The following DDX50 variants were observed in gnomAD, a reference collection of about 807,000 sequenced individuals.
DDX50 encodes ATP-dependent RNA helicase DDX50.
Under a neutral mutation model 94.8 loss-of-function variants are expected in DDX50, and 56 were observed. The observed-to-expected ratio is 0.59, with a 90% CI of 0.48 to 0.74. The LOEUF (loss-of-function observed/expected upper bound fraction) is 0.74, where lower values mean the gene tolerates loss of function less well. Among genes scored for constraint, DDX50 ranks in the 30% least tolerant of loss-of-function variants. The pLI is 0.00. For missense variants in DDX50, 713 were observed against 881.2 expected, an observed-to-expected ratio of 0.81 and a Z score of 2.42; for synonymous variants, 264 against 295.4, an observed-to-expected ratio of 0.89 and a Z score of 1.09.
rs768543952 is a variant in DDX50 at position 68,918,647 on chromosome 10, G to T, written c.1090-1185G>T. On this transcript the variant is annotated intron_variant, in intron 7 of 14. Coordinates refer to ENST00000373585, the MANE Select transcript of DDX50 (RefSeq NM_024045.2). ...TCACCATGTTCCCCAGGCTGGTCTC[G>T]AACTCCTGACCTCAGGTGATCCGCT... 2.0e-5 allele frequency among the ~76,000 whole-genome samples: 3 copies of T among 150,830 alleles called. No homozygotes were observed. In the South Asian group the frequency reaches 6.3e-4, roughly 32 times the overall value.
chr10:68,934,358 C>G lies in DDX50; in HGVS notation c.1399C>G (p.Gln467Glu). The G allele has an allele frequency of 6.2e-7, 1 of 1,613,314 alleles. No individual in the cohort carries two copies. Among genetic ancestry groups the G allele is most frequent in the Non-Finnish European group, 8.5e-7 (1 of 1,179,750 alleles). ...CCTGGTGATTCAAAGTTCTCCTCCT[C>G]AGGTAGGAAATGGGATTTGATTTGG... ...VDLVIQSSPPQDVESYIHRSG... is the reference protein window; with the variant it reads ...VDLVIQSSPPEDVESYIHRSG... Residue 467 changes from glutamine to glutamate, a missense_variant and splice_region_variant, in exon 9 of 15, where the codon CAG becomes GAG. Physicochemically the swap from Gln to Glu is conservative, Grantham distance 29 (BLOSUM62 2). Around this residue, in one of 2 missense-constraint regions of DDX50, gnomAD observed 428 missense variants for 602.3 expected, o/e 0.71. Coordinates refer to ENST00000373585, the MANE Select transcript of DDX50 (RefSeq NM_024045.2). The surrounding 1 kb of genome is among the most constrained non-coding windows in gnomAD (Gnocchi z 4.0).
chr10:68,936,961 G>A lies in DDX50; in HGVS notation c.1621G>A (p.Ala541Thr). Reference sequence around the variant, plus strand: ...GTCTCTGGCTTCCGTTTCTTACGCTGCTGTTGATTTTTTCCGACCATCAGC... The same window carrying A: ...GTCTCTGGCTTCCGTTTCTTACGCTACTGTTGATTTTTTCCGACCATCAGC... Reference protein sequence around the residue: ...IRSLASVSYAAVDFFRPSAQR... With the variant: ...IRSLASVSYATVDFFRPSAQR... Residue 541 changes from alanine (A) to threonine (T), a missense_variant, in exon 12 of 15, where the codon GCT (alanine) becomes ACT (threonine). By Grantham distance (58) the Ala-to-Thr change is moderately conservative. Coordinates refer to ENST00000373585, the MANE Select transcript of DDX50 (RefSeq NM_024045.2). The A allele has an allele frequency of 5.6e-6, 9 of 1,608,392 alleles. No homozygotes were observed. Among genetic ancestry groups the A allele is most frequent in the Non-Finnish European group, 7.6e-6 (9 of 1,177,584 alleles).
chr10:68,904,065 AC>A (rs1490905010), intron 1 of DDX50, among the ~76,000 whole-genome samples: 1 of 151,204 alleles, frequency 6.6e-6, no homozygotes, highest in Non-Finnish European at 1.5e-5. Context: ...AATTGCTTGA[AC>A]CCAGGAGGCA....
rs1842376516 is a variant in DDX50 at position 68,935,254 on chromosome 10, C to T, written c.1521+336C>T. Reference sequence around the variant, plus strand: ...AGTTAAGATTCTTTTAAGTATGGTACAATAGACAGTTTCTAAAGAAACTGT... The same window carrying T: ...AGTTAAGATTCTTTTAAGTATGGTATAATAGACAGTTTCTAAAGAAACTGT... On this transcript the variant is annotated intron_variant, in intron 10 of 14. Coordinates refer to ENST00000373585, the MANE Select transcript of DDX50 (RefSeq NM_024045.2). Among the ~76,000 whole-genome samples the T allele has an allele frequency of 2.0e-5, 3 of 152,116 alleles. No homozygotes were observed. The South Asian group carries it at 6.2e-4, about 32-fold the overall frequency.
chr10:68,920,156 T>G (rs748112693), intron 8 of DDX50, among the ~76,000 whole-genome samples, 175 bp downstream of exon 8: 1 of 152,068 alleles, frequency 6.6e-6, no homozygotes, highest in Non-Finnish European at 1.5e-5. Flanking sequence ...GGATAGAATT[T>G]TATCAGTTTT....
intron 8 of DDX50, among the ~76,000 whole-genome samples, chr10:68,930,947 G>T (rs1399200639): frequency 2.0e-5 from 3 of 151,900 alleles, no homozygotes; most frequent in Non-Finnish European, 4.4e-5. Flanking sequence ...CCACCATGCT[G>T]GTCAGCTCTT....
chr10:68,946,608 G>A lies in DDX50; in HGVS notation c.2192G>A (p.Gly731Asp). The A allele has an allele frequency of 1.9e-6, 3 of 1,613,768 alleles. No homozygotes were observed. Among genetic ancestry groups the A allele is most frequent in the Non-Finnish European group, 2.5e-6 (3 of 1,179,858 alleles). The change falls in exon 15 of 15, where the codon GGC becomes GAC. Residue 731 changes from glycine to aspartate, a missense_variant. This residue lies in a region of DDX50 where 428 missense variants were observed against 602.3 expected (regional missense o/e 0.71). Coordinates refer to ENST00000373585, the MANE Select transcript of DDX50 (RefSeq NM_024045.2). Reference sequence around the variant, plus strand: ...AATAGAAATCGATCAAGAAGTGGGGGCCACAAACGGAGTTTTGACTGAGTA... The same window carrying A: ...AATAGAAATCGATCAAGAAGTGGGGACCACAAACGGAGTTTTGACTGAGTA... ...SGNRNRSRSG[G>D]HKRSFD
At chr10:68,917,519 G>A (rs779105996) in intron 7 of DDX50, among the ~76,000 whole-genome samples, 8 of 152,134 alleles carry the variant, frequency 5.3e-5, no homozygotes, top group Non-Finnish European at 1.0e-4. Context: ...TTGCTGATTT[G>A]CATCCCTGTG....
At chr10:68,933,798 A>T (rs930755051) in intron 8 of DDX50, among the ~76,000 whole-genome samples, 1 of 151,920 alleles carries the variant, frequency 6.6e-6, no homozygotes, top group Admixed American at 6.6e-5. Context: ...AGCTGGGCAT[A>T]GTGGCAGGCA....
intron 8 of DDX50, among the ~76,000 whole-genome samples, chr10:68,932,904 G>T (rs1298784906): frequency 6.6e-6 from 1 of 152,046 alleles, no homozygotes; most frequent in East Asian, 1.9e-4. Context: ...TTATAATACA[G>T]TTTTTTAAAT....
At chr10:68,940,899 A>G (rs890783145) in intron 12 of DDX50, among the ~76,000 whole-genome samples, 161 bp from the exon 13 acceptor site, 2 of 152,222 alleles carry the variant, frequency 1.3e-5, no homozygotes, top group African/African-American at 4.8e-5. Context: ...TATAAACACT[A>G]TTCTTCTAAT....
intron 1 of DDX50, among the ~76,000 whole-genome samples, chr10:68,901,866 T>G (rs1841296971): frequency 6.6e-6 from 1 of 152,190 alleles, no homozygotes; most frequent in East Asian, 1.9e-4. Context: ...GTGTTGCTTC[T>G]GTCACCCCGT....
intron 7 of DDX50, among the ~76,000 whole-genome samples, chr10:68,918,171 G>A (rs1017383541): frequency 3.3e-5 from 5 of 152,016 alleles, no homozygotes; most frequent in South Asian, 2.1e-4. Context: ...TGATCCACCC[G>A]TCTCGGCCTC....
intron 8 of DDX50, among the ~76,000 whole-genome samples, chr10:68,924,668 A>T (rs200115171): frequency 5.4e-5 from 1 of 18,510 alleles, no homozygotes; most frequent in Non-Finnish European, 1.6e-4. Context: ...TAAAGCTGTT[A>T]AAAAAAAAAG....
At chr10:68,914,022 AT>A in intron 6 of DDX50, 36 bp from the exon 7 acceptor site, 1 of 1,538,374 alleles carries the variant, frequency 6.5e-7, no homozygotes, top group Non-Finnish European at 8.7e-7. Flanking sequence ...ATCGTGGGAA[AT>A]TAAGAAAACA....
At chr10:68,901,688 C>G (rs549299372) in intron 1 of DDX50, among the ~76,000 whole-genome samples, 1 of 152,312 alleles carries the variant, frequency 6.6e-6, no homozygotes, top group African/African-American at 2.4e-5. Flanking sequence ...GCCTCTCCTC[C>G]GCGTGGCCCC....
chr10:68,923,784 T>C (rs1408582667), intron 8 of DDX50, among the ~76,000 whole-genome samples: 1 of 151,466 alleles, frequency 6.6e-6, no homozygotes, highest in Non-Finnish European at 1.5e-5. Flanking sequence ...CCTCAAGTGA[T>C]CGTTTTGCCT....
chr10:68,906,589 G>T, intron 1 of DDX50, 122 bp from the exon 2 acceptor site: 1 of 1,041,398 alleles, frequency 9.6e-7, no homozygotes, highest in Non-Finnish European at 1.4e-6. Flanking sequence ...ATTTCTACCA[G>T]GCAGGTTTTC....
intron 12 of DDX50, among the ~76,000 whole-genome samples, chr10:68,940,379 A>C (rs1316471401): frequency 8.6e-6 from 1 of 116,638 alleles, no homozygotes; most frequent in Non-Finnish European, 1.9e-5. Flanking sequence ...ACCCTGTCTT[A>C]AAAAAAAAAA....
Sources: gnomAD v4.1 joint callset for allele counts (sites outside exome capture counted in the v4.1 genomes callset) on GRCh38, gnomAD v4.1.1 for gene constraint, gnomAD v4.1.1 regional missense constraint, Gnocchi (gnomAD v3.1) non-coding constraint, MANE v1.5 for transcripts, NCBI Gene and HGNC (gene_info 2026-07-23, HGNC 2026-07-21) for gene names.